The following APBB2 variants were observed in gnomAD, a reference collection of about 807,000 sequenced individuals.
APBB2 encodes Fe65-like 1.
A neutral mutation model predicts 82.5 loss-of-function variants in APBB2; 38 were observed. The ratio of observed to expected loss-of-function variants is 0.46; its 90% CI spans 0.36 to 0.60. APBB2 has a LOEUF of 0.60. APBB2 is among the 20% of genes least tolerant of loss of function. The pLI is 0.00. For missense variants in APBB2, 772 were observed against 972.3 expected (o/e 0.79, Z 2.74); for synonymous variants, 341 against 368.2 (o/e 0.93, Z 0.85).
Position 41,015,050 on chromosome 4 carries a change from C to T in APBB2, c.20-652G>A, listed in dbSNP as rs74946994. The stretch of plus-strand genomic sequence containing the variant: ...TTAATTTCTGAAGAACACGTACACA[C>T]GCACACAAAACTATTACTGTAGCAT... On this transcript the variant is annotated intron_variant, in intron 5 of 17. Coordinates refer to ENST00000508593, the MANE Select transcript of APBB2 (RefSeq NM_004307.2). Among the ~76,000 whole-genome samples the T allele has an allele frequency of 6.6e-4, 100 of 152,292 alleles. 2 individuals carry two copies. In the East Asian group the frequency reaches 0.018, roughly 27 times the overall value.
chr4:40,998,293 AC>A (rs1804205805), intron 6 of APBB2, among the ~76,000 whole-genome samples: 1 of 152,238 alleles, frequency 6.6e-6, no homozygotes, highest in South Asian at 2.1e-4. Context: ...TTCATAACTC[AC>A]TGAACCAATA....
intron 12 of APBB2, among the ~76,000 whole-genome samples, chr4:40,838,015 A>C (rs946761397): frequency 6.6e-6 from 1 of 152,058 alleles, no homozygotes; most frequent in Admixed American, 6.6e-5. Flanking sequence ...TTTCTTAATT[A>C]AAAAAATATA....
At chr4:41,165,658 C>A (rs914593341) in intron 1 of APBB2, among the ~76,000 whole-genome samples, 1 of 152,152 alleles carries the variant, frequency 6.6e-6, no homozygotes, top group African/African-American at 2.4e-5. Flanking sequence ...CCTCAAGAGA[C>A]AAGACGTCAA....
intron 3 of APBB2, among the ~76,000 whole-genome samples, chr4:41,083,955 T>C (rs936756065): frequency 4.6e-5 from 7 of 152,076 alleles, no homozygotes; most frequent in East Asian, 1.9e-4. Context: ...ATGTCAGTGA[T>C]TGCAAGATAT....
intron 1 of APBB2, among the ~76,000 whole-genome samples, chr4:41,191,317 AT>A (rs1342527550): frequency 1.3e-5 from 2 of 152,210 alleles, no homozygotes; most frequent in African/African-American, 2.4e-5. Context: ...GTTATGAACA[AT>A]CTGCAACAAT....
rs1282689321 is a variant in APBB2, at chr4:40,874,789, C to G, written c.1529+15575G>C. On this transcript the variant is annotated intron_variant, in intron 12 of 17. Coordinates refer to ENST00000508593, the MANE Select transcript of APBB2 (RefSeq NM_004307.2). ...AATAGAACATTGCATACAGTGTTTC[C>G]CAAAATTATGTGAGTGTGGAATCTC... is the stretch of plus-strand genomic sequence containing the variant. Among the ~76,000 whole-genome samples the G allele has an allele frequency of 8.5e-5, 13 of 152,152 alleles. No individual in the cohort carries two copies. In the East Asian group the frequency reaches 2.3e-3, roughly 27 times the overall value.
intron 3 of APBB2, among the ~76,000 whole-genome samples, chr4:41,084,873 C>A (rs1205905334): frequency 6.6e-6 from 1 of 151,896 alleles, no homozygotes; most frequent in African/African-American, 2.4e-5. Context: ...TTAAAGTAAG[C>A]CAAGAAGCCT....
chr4:41,213,984 C>T (rs2154084758), intron 1 of APBB2, among the ~76,000 whole-genome samples: 1 of 152,338 alleles, frequency 6.6e-6, no homozygotes, highest in Middle Eastern at 3.4e-3. Context: ...AGGCGCCCAC[C>T]CTCACTTTTC....
chr4:41,144,475 C>T (rs1483193950), intron 1 of APBB2, among the ~76,000 whole-genome samples: 2 of 152,142 alleles, frequency 1.3e-5, no homozygotes, highest in Admixed American at 6.5e-5. Flanking sequence ...AAATTTTCTA[C>T]AATTAACATG....
chr4:41,140,422 C>CTT (rs1458361226), intron 2 of APBB2, among the ~76,000 whole-genome samples: 1 of 152,172 alleles, frequency 6.6e-6, no homozygotes, highest in African/African-American at 2.4e-5. Flanking sequence ...GTTCCTAAGA[C>CTT]TTAATCCTCT....
intron 2 of APBB2, among the ~76,000 whole-genome samples, chr4:41,106,644 T>C (rs1037782062): frequency 6.6e-6 from 1 of 151,942 alleles, no homozygotes; most frequent in Non-Finnish European, 1.5e-5. Flanking sequence ...GCCAGGCTAA[T>C]TTTTTGTATT....
chr4:40,991,010 C>CTTT (rs1491223078), intron 6 of APBB2, among the ~76,000 whole-genome samples: 6 of 128,712 alleles, frequency 4.7e-5, no homozygotes, highest in East Asian at 2.8e-4. Context: ...GACTGAGTTT[C>CTTT]ATTTTTTTTT....
intron 1 of APBB2, among the ~76,000 whole-genome samples, chr4:41,196,416 C>T: frequency 2.6e-5 from 4 of 152,134 alleles, no homozygotes; most frequent in African/African-American, 9.7e-5. Context: ...AACCTTTGCC[C>T]AGCCACTTAT....
intron 10 of APBB2, among the ~76,000 whole-genome samples, chr4:40,924,641 A>C (rs780838035): frequency 6.6e-6 from 1 of 152,204 alleles, no homozygotes; most frequent in Non-Finnish European, 1.5e-5. Flanking sequence ...AGGAGCACTG[A>C]GCCAGGAAGC....
At chr4:41,112,142 C>T (rs1043935219) in intron 2 of APBB2, among the ~76,000 whole-genome samples, 1 of 152,186 alleles carries the variant, frequency 6.6e-6, no homozygotes, top group African/African-American at 2.4e-5. Context: ...AGAAATGATC[C>T]TTGGAGAAAC....
At chr4:40,831,045 G>A (rs1751700110) in intron 12 of APBB2, among the ~76,000 whole-genome samples, 1 of 152,222 alleles carries the variant, frequency 6.6e-6, no homozygotes, top group South Asian at 2.1e-4. Context: ...GTTGCAGTGA[G>A]CTATAATCGT....
At chr4:41,038,526 C>T (rs1055990781) in intron 4 of APBB2, among the ~76,000 whole-genome samples, 2 of 152,192 alleles carry the variant, frequency 1.3e-5, no homozygotes, top group African/African-American at 4.8e-5. Flanking sequence ...CGCAGATCTA[C>T]AATGCCAGAT....
At position 41,195,111 on chromosome 4, in the gene APBB2, G is replaced by A; in HGVS notation, c.-417+19294C>T. On this transcript the variant is annotated intron_variant, in intron 1 of 17. Coordinates refer to ENST00000508593, the MANE Select transcript of APBB2 (RefSeq NM_004307.2). ...TGACCGTGCTATGTAAGTCTTCTCC[G>A]TCTTCACCCCCTCCCTGGGTGACCG... is the stretch of plus-strand genomic sequence containing the variant. Among the ~76,000 whole-genome samples, 521 of 151,962 alleles carry A rather than the reference G, an allele frequency of 3.4e-3. 1 individual carries two copies. Among genetic ancestry groups the A allele is most frequent in the Middle Eastern group, 6.8e-3 (2 of 294 alleles).
intron 1 of APBB2, among the ~76,000 whole-genome samples, chr4:41,157,759 T>C (rs1763852505): frequency 6.6e-6 from 1 of 152,110 alleles, no homozygotes. Context: ...GGGAGGATGA[T>C]GTGGGTGGAT....
Sources: gnomAD v4.1 joint callset for allele counts (sites outside exome capture counted in the v4.1 genomes callset) on GRCh38, gnomAD v4.1.1 for gene constraint, MANE v1.5 for transcripts, NCBI Gene and HGNC (gene_info 2026-07-23, HGNC 2026-07-21) for gene names.